FAF1: variants seen among roughly 807,000 people sequenced by gnomAD.
The protein encoded by FAF1 is Fas associated factor 1.
FAF1 carries 25 observed loss-of-function variants against 92.5 expected under a neutral mutation model. The observed-to-expected ratio is 0.27, with a 90% CI of 0.20 to 0.38. FAF1 has a LOEUF of 0.38. Ranked by LOEUF, FAF1 falls within the 10% of genes least tolerant of loss-of-function variation. The probability of loss-of-function intolerance (pLI) is 1.00; values close to 1 mark genes in which losing one functional copy is unlikely to be tolerated. For synonymous variants in FAF1, 234 were observed against 273.2 expected (o/e 0.86, Z 1.42); for missense variants, 636 against 793.3 (o/e 0.80, Z 2.38).
chr1:50,811,583 T>C (rs1557539126), intron 2 of FAF1, among the ~76,000 whole-genome samples: 1 of 152,164 alleles, frequency 6.6e-6, no homozygotes, highest in Non-Finnish European at 1.5e-5. Flanking sequence ...GGAAAAAACA[T>C]TTCATGCTCA....
chr1:50,924,231 CAAAAT>C (rs1356804712), intron 1 of FAF1, among the ~76,000 whole-genome samples: 1 of 147,462 alleles, frequency 6.8e-6, no homozygotes, highest in Non-Finnish European at 1.5e-5. Flanking sequence ...TTGCAAGACA[CAAAAT>C]AAACAAAAAT....
intron 1 of FAF1, among the ~76,000 whole-genome samples, chr1:50,886,579 C>T (rs1644667476): frequency 1.3e-5 from 2 of 151,882 alleles, no homozygotes; most frequent in African/African-American, 4.8e-5. Context: ...CTTCCTGGGT[C>T]CATGTGTTCT....
In FAF1 at chr1:50,535,375, C is replaced by T. The variant is rs1373188020; in HGVS notation, c.1488G>A (p.Lys496=). 6.2e-7 allele frequency: 1 copy of T among 1,605,178 alleles called. No homozygotes were observed. Among genetic ancestry groups the T allele is most frequent in the Admixed American group, 1.7e-5 (1 of 59,916 alleles). ...IFTAQQQEDI[K]DEDEREAREN... Reference sequence around the variant, plus strand: ...AAGATCTGCATAACCTTACCTCGTCCTTTATATCTTCCTGTTGTTGGGCTG... The same window carrying T: ...AAGATCTGCATAACCTTACCTCGTCTTTTATATCTTCCTGTTGTTGGGCTG... The change falls in exon 15 of 19, where the codon AAG becomes AAA. Residue 496 remains lysine, a synonymous_variant. Coordinates refer to ENST00000396153, the MANE Select transcript of FAF1 (RefSeq NM_007051.3).
chr1:50,958,693 T>A (rs997793663), intron 1 of FAF1, among the ~76,000 whole-genome samples: 50 of 148,798 alleles, frequency 3.4e-4, no homozygotes, highest in Non-Finnish European at 6.1e-4. Flanking sequence ...AAAAAAAAAA[T>A]TAATTAATTT....
intron 8 of FAF1, among the ~76,000 whole-genome samples, chr1:50,614,747 G>A (rs909465369): frequency 8.6e-5 from 13 of 150,596 alleles, no homozygotes; most frequent in African/African-American, 3.2e-4. Flanking sequence ...GCTGAGGCAG[G>A]AGAATCACTT....
chr1:50,803,427 T>A (rs1423822201), intron 2 of FAF1, among the ~76,000 whole-genome samples: 1 of 152,206 alleles, frequency 6.6e-6, no homozygotes, highest in East Asian at 1.9e-4. Context: ...TTCACTGAAC[T>A]TATCTGAGCC....
At position 50,791,428 on chromosome 1, in the gene FAF1, T is replaced by G. The variant is rs148790293; in HGVS notation, c.162-3223A>C. On this transcript the variant is annotated intron_variant, in intron 3 of 18. Coordinates refer to ENST00000396153, the MANE Select transcript of FAF1 (RefSeq NM_007051.3). ...TATTTTCTTCTGCTAGATGGTTTCCTGTTAGATTCTACCAAGAGGAGACAC... is the reference window on the plus strand; with the variant it reads ...TATTTTCTTCTGCTAGATGGTTTCCGGTTAGATTCTACCAAGAGGAGACAC... Among the ~76,000 whole-genome samples, 15 of 152,368 alleles carry G rather than the reference T, an allele frequency of 9.8e-5. No homozygotes were observed. The East Asian group carries it at 2.9e-3, about 29-fold the overall frequency.
At chr1:50,603,421 T>A (rs997071968) in intron 8 of FAF1, among the ~76,000 whole-genome samples, 3 of 152,198 alleles carry the variant, frequency 2.0e-5, no homozygotes, top group Non-Finnish European at 4.4e-5. Context: ...ATTTCCAACG[T>A]AGATAAGGTT....
intron 6 of FAF1, among the ~76,000 whole-genome samples, chr1:50,708,899 A>G (rs1034230394): frequency 1.3e-5 from 2 of 152,230 alleles, no homozygotes; most frequent in Non-Finnish European, 2.9e-5. Context: ...GACCACATTC[A>G]GGAAGCAGCC....
At chr1:50,602,312 T>G (rs1652178262) in intron 8 of FAF1, among the ~76,000 whole-genome samples, 1 of 152,188 alleles carries the variant, frequency 6.6e-6, no homozygotes, top group African/African-American at 2.4e-5. Flanking sequence ...TCATCCAGAT[T>G]TGGGAATGCT....
chr1:50,560,546 C>T (rs562795028), intron 13 of FAF1, among the ~76,000 whole-genome samples: 87 of 152,358 alleles, frequency 5.7e-4, no homozygotes, highest in African/African-American at 1.2e-3. Context: ...GAACTGTTTA[C>T]AGCTACTATG....
intron 8 of FAF1, among the ~76,000 whole-genome samples, chr1:50,605,123 T>A (rs1256259505): frequency 6.6e-6 from 1 of 151,432 alleles, no homozygotes; most frequent in Non-Finnish European, 1.5e-5. Context: ...AAAAGGTTTT[T>A]TTGTTTGTTT....
chr1:50,671,399 C>T (rs953539742), intron 7 of FAF1, among the ~76,000 whole-genome samples: 22 of 149,312 alleles, frequency 1.5e-4, no homozygotes, highest in African/African-American at 5.2e-4. Flanking sequence ...AGCAAGACTC[C>T]GTCTCAAAAA....
chr1:50,878,790 C>T (rs955659171), intron 1 of FAF1, among the ~76,000 whole-genome samples: 1 of 152,214 alleles, frequency 6.6e-6, no homozygotes, highest in Non-Finnish European at 1.5e-5. Context: ...AATCATCTCA[C>T]CAACCCTATG....
At chr1:50,831,970 A>G (rs1644157727) in intron 2 of FAF1, among the ~76,000 whole-genome samples, 2 of 152,076 alleles carry the variant, frequency 1.3e-5, no homozygotes, top group African/African-American at 2.4e-5. Context: ...TGAACTGTGC[A>G]TGCGAGGGAT....
At chr1:50,682,035 A>G (rs1281651597) in intron 7 of FAF1, among the ~76,000 whole-genome samples, 2 of 151,264 alleles carry the variant, frequency 1.3e-5, no homozygotes, top group Admixed American at 6.6e-5. Context: ...GGGTCTCACT[A>G]TGTTGCTAAG....
At chr1:50,539,458 G>A in intron 14 of FAF1, 134 bp downstream of exon 14, 1 of 562,870 alleles carries the variant, frequency 1.8e-6, no homozygotes, top group Non-Finnish European at 2.9e-6. Context: ...ATTTTTTGAA[G>A]ACATTTTTCA....
chr1:50,574,109 G>C (rs1650595072), intron 12 of FAF1, among the ~76,000 whole-genome samples: 2 of 152,112 alleles, frequency 1.3e-5, no homozygotes, highest in South Asian at 4.1e-4. Context: ...CTGGGCAACG[G>C]GGCGAGACTC....
At chr1:50,922,148 C>G (rs1487041114) in intron 1 of FAF1, among the ~76,000 whole-genome samples, 4 of 141,648 alleles carry the variant, frequency 2.8e-5, no homozygotes, top group Non-Finnish European at 6.1e-5. Context: ...ACCTGGGTAA[C>G]AGAGAGAGAC....
Sources: gnomAD v4.1 joint callset for allele counts (sites outside exome capture counted in the v4.1 genomes callset) on GRCh38, gnomAD v4.1.1 for gene constraint, MANE v1.5 for transcripts, NCBI Gene and HGNC (gene_info 2026-07-23, HGNC 2026-07-21) for gene names.